The following DLGAP2 variants were observed in gnomAD, a reference collection of about 807,000 sequenced individuals.
DLGAP2 encodes disks large-associated protein 2.
A neutral mutation model predicts 100.3 loss-of-function variants in DLGAP2; 26 were observed. That is an observed-to-expected ratio of 0.26 (90% CI 0.19 to 0.36). The LOEUF is 0.36. Ranked by LOEUF, DLGAP2 falls within the 10% of genes least tolerant of loss-of-function variation. The pLI is 1.00. For synonymous variants in DLGAP2, 886 were observed against 630.1 expected (o/e 1.41, Z -6.08); for missense variants, 1,858 against 1,453.2 (o/e 1.28, Z -4.53).
rs117184406 is a variant in DLGAP2, at chr8:1,327,704, C to T, written c.106+68821C>T. 1.9e-3 allele frequency among the ~76,000 whole-genome samples: 292 copies of T among 151,990 alleles called. 4 individuals carry two copies. The highest frequency in any genetic ancestry group is 0.017 in the East Asian group (89 of 5,102). On this transcript the variant is annotated intron_variant, in intron 3 of 14. Coordinates refer to ENST00000637795, the MANE Select transcript of DLGAP2 (RefSeq NM_001346810.2). ...CTAAAAATACAAAAAACTATCCGGG[C>T]GTCGTGGCGGGCGCCTGTAGTCCCA...
At chr8:1,483,041 A>C (rs1253628090) in intron 3 of DLGAP2, among the ~76,000 whole-genome samples, 5 of 152,054 alleles carry the variant, frequency 3.3e-5, no homozygotes, top group Non-Finnish European at 7.4e-5. Flanking sequence ...AGCTGGCTTG[A>C]GTGAGCCTCC....
chr8:971,303 C>T (rs947459637), intron 2 of DLGAP2, among the ~76,000 whole-genome samples: 18 of 152,180 alleles, frequency 1.2e-4, no homozygotes, highest in Non-Finnish European at 2.4e-4. Flanking sequence ...TGCTCTGACA[C>T]ATAAGGGCAT....
chr8:1,126,604 T>C (rs938382733), intron 2 of DLGAP2, among the ~76,000 whole-genome samples: 1 of 151,446 alleles, frequency 6.6e-6, no homozygotes, highest in East Asian at 1.9e-4. Flanking sequence ...GCTGTGCTGC[T>C]GAGGGCTTTC....
chr8:1,085,209 A>G (rs752637048), intron 2 of DLGAP2, among the ~76,000 whole-genome samples: 18 of 152,090 alleles, frequency 1.2e-4, no homozygotes, highest in Non-Finnish European at 2.5e-4. Flanking sequence ...TTAATTGGAT[A>G]ATTTCTTTTC....
intron 2 of DLGAP2, among the ~76,000 whole-genome samples, chr8:1,113,171 C>A (rs1243806585): frequency 1.3e-5 from 2 of 151,990 alleles, no homozygotes; most frequent in East Asian, 1.9e-4. Context: ...CTTATGATGG[C>A]CTTGGATATT....
chr8:1,382,119 A>T (rs1796111727), intron 3 of DLGAP2, among the ~76,000 whole-genome samples: 1 of 152,226 alleles, frequency 6.6e-6, no homozygotes, highest in Admixed American at 6.5e-5. Context: ...CCTCCTGTTA[A>T]CCAGAAGCCT....
chr8:887,683 G>A (rs188515899), intron 1 of DLGAP2, among the ~76,000 whole-genome samples: 17 of 152,274 alleles, frequency 1.1e-4, no homozygotes, highest in African/African-American at 3.8e-4. Flanking sequence ...CTTTCTTTAA[G>A]AATGTTGAAT....
At position 960,252 on chromosome 8, in the gene DLGAP2, T is replaced by TTTTTTTTTTTTTTTC. The variant is rs369284313; in HGVS notation, c.73+52286_73+52287insTTTTTTTTTTTTTTC. Reference sequence around the variant, plus strand: ...TGAAGTATATCTTTTTTTTTTTTTTTCCCGAGACACTCTCACGCTGTCGTC... The same window carrying TTTTTTTTTTTTTTTC: ...TGAAGTATATCTTTTTTTTTTTTTTTTTTTTTTTTTTTTTCCCCGAGACACTCTCACGCTGTCGTC... On this transcript the variant is annotated intron_variant, in intron 2 of 14. Coordinates refer to ENST00000637795, the MANE Select transcript of DLGAP2 (RefSeq NM_001346810.2). 1.4e-5 allele frequency among the ~76,000 whole-genome samples: 2 copies of TTTTTTTTTTTTTTTC among 141,928 alleles called. 1 individual carries two copies. The highest frequency in any genetic ancestry group is 5.5e-5 in the African/African-American group (2 of 36,074). The allele number at this position is 141,928 out of a possible 152,430, so 93.1% of individuals were successfully genotyped here. A position where few individuals can be genotyped will look rare whatever the true frequency, so the allele number is the denominator to read the frequency against.
intron 2 of DLGAP2, among the ~76,000 whole-genome samples, chr8:1,055,034 G>T (rs1802836602): frequency 6.6e-6 from 1 of 152,220 alleles, no homozygotes; most frequent in South Asian, 2.1e-4. Flanking sequence ...CACATGGTCA[G>T]AAAACAGTTC....
intron 3 of DLGAP2, among the ~76,000 whole-genome samples, chr8:1,412,189 G>A (rs1796750434): frequency 1.3e-5 from 2 of 152,156 alleles, no homozygotes; most frequent in South Asian, 4.1e-4. Context: ...ACTGCCCTCT[G>A]CAGAGCCCCC....
At chr8:1,418,482 C>G (rs1036752590) in intron 3 of DLGAP2, among the ~76,000 whole-genome samples, 12 of 152,188 alleles carry the variant, frequency 7.9e-5, no homozygotes, top group African/African-American at 2.9e-4. Flanking sequence ...ACTTCTTTCT[C>G]TCTTTTAACC....
At chr8:1,217,607 G>C (rs561997214) in intron 2 of DLGAP2, among the ~76,000 whole-genome samples, 2 of 152,126 alleles carry the variant, frequency 1.3e-5, no homozygotes, top group East Asian at 3.9e-4. Context: ...TCTCATTGTA[G>C]AGACCTTTCA....
intron 1 of DLGAP2, among the ~76,000 whole-genome samples, chr8:844,334 C>T (rs1797034063): frequency 1.3e-5 from 2 of 152,316 alleles, no homozygotes; most frequent in South Asian, 4.2e-4. Flanking sequence ...GTTAAGTTCA[C>T]AGCCACTCAG....
chr8:1,632,466 A>C (rs1159994172), intron 7 of DLGAP2, among the ~76,000 whole-genome samples: 1 of 152,222 alleles, frequency 6.6e-6, no homozygotes, highest in Non-Finnish European at 1.5e-5. Flanking sequence ...CATGTGGGAA[A>C]GGGAAGGAAG....
At chr8:1,008,568 T>C (rs151179586) in intron 2 of DLGAP2, among the ~76,000 whole-genome samples, 11 of 152,372 alleles carry the variant, frequency 7.2e-5, no homozygotes, top group African/African-American at 2.6e-4. Context: ...AAGACTTGCA[T>C]GAAAACTTGA....
intron 4 of DLGAP2, among the ~76,000 whole-genome samples, chr8:1,516,687 G>A (rs972814268): frequency 6.6e-6 from 1 of 151,978 alleles, no homozygotes; most frequent in Non-Finnish European, 1.5e-5. Context: ...GAAAGAGTGA[G>A]TGACTGAGTG....
intron 1 of DLGAP2, among the ~76,000 whole-genome samples, chr8:825,034 C>G (rs1289803422): frequency 1.3e-5 from 2 of 152,162 alleles, no homozygotes; most frequent in African/African-American, 4.8e-5. Flanking sequence ...GTGTTGACTC[C>G]AGGTGCGAGT....
intron 3 of DLGAP2, among the ~76,000 whole-genome samples, chr8:1,322,439 C>G (rs1180718554): frequency 6.6e-6 from 1 of 152,198 alleles, no homozygotes; most frequent in Non-Finnish European, 1.5e-5. Context: ...TGTGACTTCA[C>G]GCGTGTGGAT....
chr8:1,320,878 T>C (rs1254067037), intron 3 of DLGAP2, among the ~76,000 whole-genome samples: 1 of 152,110 alleles, frequency 6.6e-6, no homozygotes, highest in Admixed American at 6.5e-5. Context: ...CGTGTGTGTG[T>C]GCACATGTCT....
Sources: gnomAD v4.1 joint callset for allele counts (sites outside exome capture counted in the v4.1 genomes callset) on GRCh38, gnomAD v4.1.1 for gene constraint, MANE v1.5 for transcripts, NCBI Gene and HGNC (gene_info 2026-07-23, HGNC 2026-07-21) for gene names.